The following MAP3K7CL variants were observed in gnomAD, a reference collection of about 807,000 sequenced individuals.
The protein encoded by MAP3K7CL is MAP3K7 C-terminal like, also known as MAP3K7 C-terminal-like protein.
In MAP3K7CL, 16 loss-of-function variants were observed where a neutral mutation model predicts 18.6. The ratio of observed to expected loss-of-function variants is 0.86; its 90% CI spans 0.58 to 1.31. The LOEUF (loss-of-function observed/expected upper bound fraction) is 1.31, where lower values mean the gene tolerates loss of function less well. Ranked by LOEUF, MAP3K7CL falls within the 50% of genes most tolerant of loss-of-function variation. The pLI is 0.00. For synonymous variants in MAP3K7CL, 65 were observed against 66.8 expected, an observed-to-expected ratio of 0.97 and a Z score of 0.13; for missense variants, 163 against 174.4, an observed-to-expected ratio of 0.93 and a Z score of 0.37.
At chr21:29,147,507 T>G (rs1367257017) in intron 2 of MAP3K7CL, among the ~76,000 whole-genome samples, 1 of 151,926 alleles carries the variant, frequency 6.6e-6, no homozygotes, top group Non-Finnish European at 1.5e-5. Flanking sequence ...GTGTACTGTA[T>G]ATGCATCTGT....
At chr21:29,160,213 G>T (rs1239481695) in intron 4 of MAP3K7CL, among the ~76,000 whole-genome samples, 157 bp downstream of exon 4, 1 of 152,172 alleles carries the variant, frequency 6.6e-6, no homozygotes, top group Non-Finnish European at 1.5e-5. Flanking sequence ...AGTGCTTTAT[G>T]GAGTAGCAAA....
chr21:29,160,408 A>G (rs115383208), intron 4 of MAP3K7CL, among the ~76,000 whole-genome samples: 157 of 152,376 alleles, frequency 1.0e-3, no homozygotes, highest in African/African-American at 3.7e-3. Context: ...TGGCATTCCC[A>G]CATCACGTGA....
At chr21:29,111,657 T>C (rs2086422389) in intron 4 of MAP3K7CL, among the ~76,000 whole-genome samples, 1 of 152,068 alleles carries the variant, frequency 6.6e-6, no homozygotes, top group South Asian at 2.1e-4. Flanking sequence ...CAGCCTTTCT[T>C]CCCCCTTCTC....
chr21:29,144,171 G>A (rs948690650), intron 2 of MAP3K7CL, among the ~76,000 whole-genome samples: 78 of 149,300 alleles, frequency 5.2e-4, no homozygotes, highest in African/African-American at 1.7e-3. Context: ...TTTTTGAGAC[G>A]GAGTCTAGCT....
chr21:29,168,276 C>A (rs951938099), intron 4 of MAP3K7CL, among the ~76,000 whole-genome samples: 1 of 152,122 alleles, frequency 6.6e-6, no homozygotes, highest in African/African-American at 2.4e-5. Context: ...GAGTAAGATG[C>A]CTTCTGGGTA....
chr21:29,170,679 G>A lies in MAP3K7CL; in HGVS notation c.249-4033G>A, dbSNP rs151296982. Among the ~76,000 whole-genome samples, 151 of 149,144 alleles carry A rather than the reference G, an allele frequency of 1.0e-3. 1 individual carries two copies. In the East Asian group the frequency reaches 0.024, roughly 24 times the overall value. On this transcript the variant is annotated intron_variant, in intron 4 of 4. Transcript: ENST00000399928. ...TTTTGGAATGGAGTCTCACTCTGTC[G>A]CCCAGGCAGGAGTGCAGTGATGTGA...
chr21:29,166,818 T>G (rs1399211530), intron 4 of MAP3K7CL, among the ~76,000 whole-genome samples: 20 of 152,244 alleles, frequency 1.3e-4, no homozygotes, highest in Non-Finnish European at 2.6e-4. Context: ...GGACATTTAA[T>G]CGGTTGTTTG....
chr21:29,124,208 G>A (rs2146598800), intron 4 of MAP3K7CL, among the ~76,000 whole-genome samples: 1 of 151,958 alleles, frequency 6.6e-6, no homozygotes. Flanking sequence ...ACAAAAATTA[G>A]CTGGGCGTGG....
At chr21:29,159,509 ACC>A (rs1463740715) in intron 3 of MAP3K7CL, among the ~76,000 whole-genome samples, 2 of 152,220 alleles carry the variant, frequency 1.3e-5, no homozygotes, top group Non-Finnish European at 2.9e-5. Context: ...ATGAGATTAT[ACC>A]TCCTGGCTAC....
upstream of MAP3K7CL, among the ~76,000 whole-genome samples, chr21:29,083,662 A>G (rs2085874469): frequency 1.3e-5 from 2 of 151,884 alleles, no homozygotes; most frequent in Admixed American, 1.3e-4. Context: ...ATCTCTACCA[A>G]CTCTACAGGG....
intron 1 of MAP3K7CL, chr21:29,080,653 A>G (rs1016754621): frequency 2.0e-5 from 3 of 152,060 alleles, no homozygotes; most frequent in South Asian, 2.1e-4. Context: ...CGGTCCATCT[A>G]GTGGCGTTGT....
upstream of MAP3K7CL, among the ~76,000 whole-genome samples, chr21:29,077,238 G>T (rs1043526949): frequency 9.2e-5 from 14 of 152,254 alleles, no homozygotes; most frequent in Non-Finnish European, 1.3e-4. Flanking sequence ...GGGCGCTGTG[G>T]AGCAGCGGGC....
chr21:29,168,999 T>A lies in MAP3K7CL; in HGVS notation c.249-5713T>A, dbSNP rs960621003. On this transcript the variant is annotated intron_variant, in intron 4 of 4. Coordinates refer to ENST00000399928, the MANE Select transcript of MAP3K7CL (RefSeq NM_001286620.2). ...GGGAATCTCCACTTCCTTTAGGTGGTGGTTCTTAATCAGGAAATTCTCCAC... is the reference window on the plus strand; with the variant it reads ...GGGAATCTCCACTTCCTTTAGGTGGAGGTTCTTAATCAGGAAATTCTCCAC... 3.9e-5 allele frequency among the ~76,000 whole-genome samples: 6 copies of A among 152,222 alleles called. No individual in the cohort carries two copies. The East Asian group carries it at 1.2e-3, about 29-fold the overall frequency.
intron 4 of MAP3K7CL, among the ~76,000 whole-genome samples, chr21:29,101,159 G>C (rs572900642): frequency 6.6e-6 from 1 of 152,040 alleles, no homozygotes; most frequent in African/African-American, 2.4e-5. Flanking sequence ...GGCTTCGCTG[G>C]ATACCTCAGG....
At chr21:29,087,840 A>G (rs550777213) in intron 1 of MAP3K7CL, among the ~76,000 whole-genome samples, 4 of 151,776 alleles carry the variant, frequency 2.6e-5, no homozygotes, top group Middle Eastern at 3.4e-3. Context: ...TGATCCGCCC[A>G]CCTCGGCCTC....
At position 29,138,276 on chromosome 21, in the gene MAP3K7CL, C is replaced by G. The variant is rs185590974; in HGVS notation, c.70+4862C>G. Among the ~76,000 whole-genome samples, 192 of 152,288 alleles carry G rather than the reference C, an allele frequency of 1.3e-3. 1 individual carries two copies. The highest frequency in any genetic ancestry group is 1.9e-3 in the Non-Finnish European group (127 of 68,024). ...TGGTAATTCCCAGAGGCAGTGATGC[C>G]TGTCTTTAATGAGCTAATGATATTA... On this transcript the variant is annotated intron_variant, in intron 2 of 4. Coordinates refer to ENST00000399928, the MANE Select transcript of MAP3K7CL (RefSeq NM_001286620.2).
chr21:29,136,972 T>A (rs1039719252), intron 2 of MAP3K7CL, among the ~76,000 whole-genome samples: 35 of 152,262 alleles, frequency 2.3e-4, no homozygotes, highest in Admixed American at 2.0e-3. Context: ...CAACACTATT[T>A]GTATGATCAT....
chr21:29,112,259 T>C (rs1049821667), intron 4 of MAP3K7CL, among the ~76,000 whole-genome samples: 1 of 151,996 alleles, frequency 6.6e-6, no homozygotes, highest in Non-Finnish European at 1.5e-5. Context: ...GATCACGCCA[T>C]TGCACTCCAG....
chr21:29,173,749 T>C (rs927114584), intron 4 of MAP3K7CL, among the ~76,000 whole-genome samples: 2 of 152,226 alleles, frequency 1.3e-5, no homozygotes, highest in African/African-American at 4.8e-5. Flanking sequence ...TTGCCCAGGC[T>C]GGAGTGCAGT....
Sources: allele counts gnomAD v4.1 joint callset (sites outside exome capture counted in the v4.1 genomes callset), GRCh38; gene constraint gnomAD v4.1.1; transcripts MANE v1.5; gene names NCBI Gene and HGNC (gene_info 2026-07-23, HGNC 2026-07-21).